Variants in CD300LG observed in about 807,000 individuals in gnomAD.
The protein encoded by CD300LG is CMRF35-like molecule 9.
A neutral mutation model predicts 31.5 loss-of-function variants in CD300LG; 29 were observed. That is an observed-to-expected ratio of 0.92 (90% CI 0.68 to 1.25). CD300LG has a LOEUF of 1.25. Ranked by LOEUF, CD300LG falls within the 50% of genes most tolerant of loss-of-function variation. The pLI, the probability that CD300LG is intolerant of heterozygous loss-of-function variation, is 0.00. For synonymous variants in CD300LG, 175 were observed against 177.2 expected (o/e 0.99, Z 0.10); for missense variants, 396 against 417.6 (o/e 0.95, Z 0.45).
At chr17:43,850,170 T>C (rs1437472763) in intron 2 of CD300LG, among the ~76,000 whole-genome samples, 1 of 152,388 alleles carries the variant, frequency 6.6e-6, no homozygotes, top group Non-Finnish European at 1.5e-5. Flanking sequence ...AGTGATGTGC[T>C]GGTAAATGTT....
rs2046684599 is a variant in CD300LG, at chr17:43,863,521, A to G, written c.*1610A>G. The G allele has an allele frequency of 6.6e-6, 1 of 152,218 alleles. No homozygotes were observed. The highest frequency in any genetic ancestry group is 1.5e-5 in the Non-Finnish European group (1 of 68,040). The allele number at this position is 152,218 out of a possible 1,614,324, so 9.4% of individuals were successfully genotyped here. Reference sequence around the variant, plus strand: ...TTTTTACAGAGCAATTATCTTGTATATACAACTTTGTATCCTGCCTTTTCC... The same window carrying G: ...TTTTTACAGAGCAATTATCTTGTATGTACAACTTTGTATCCTGCCTTTTCC... On this transcript the variant is annotated 3_prime_UTR_variant, in exon 7 of 7. Coordinates refer to ENST00000317310, the MANE Select transcript of CD300LG (RefSeq NM_145273.4).
intron 6 of CD300LG, chr17:43,858,074 A>G: frequency 7.1e-7 from 1 of 1,414,306 alleles, no homozygotes; most frequent in Non-Finnish European, 9.2e-7. Flanking sequence ...AGATGCCTCC[A>G]CTCCATTCCT....
intron 6 of CD300LG, among the ~76,000 whole-genome samples, chr17:43,860,532 G>T (rs1425985264): frequency 6.6e-6 from 1 of 152,190 alleles, no homozygotes; most frequent in Admixed American, 6.5e-5. Flanking sequence ...AGATGGACGG[G>T]CCTGGCGTTC....
intron 6 of CD300LG, among the ~76,000 whole-genome samples, chr17:43,859,944 C>G (rs751078875): frequency 2.0e-5 from 3 of 152,114 alleles, no homozygotes; most frequent in Non-Finnish European, 4.4e-5. Context: ...CTATGTTGCC[C>G]AGGTTGGTCT....
chr17:43,853,821 T>A lies in CD300LG; in HGVS notation c.496T>A (p.Tyr166Asn), dbSNP rs771389686. 5 of 1,613,830 alleles carry A rather than the reference T, an allele frequency of 3.1e-6. No homozygotes were observed. The Admixed American group carries it at 8.3e-5, about 27-fold the overall frequency. The part of the protein sequence containing the change: ...QPPGLTSPGL[Y>N]PAATTAKQGK... ...TGGACTTGTAGCTTCTCCTGGGCTC[T>A]ACCCGGCAGCCACCACAGCCAAGCA... Residue 166 changes from tyrosine to asparagine, a missense_variant, in exon 4 of 7, where the codon TAC (tyrosine) becomes AAC (asparagine). By Grantham distance (143) the Tyr-to-Asn change is moderately radical (BLOSUM62 -2). Transcript: ENST00000317310.
chr17:43,858,168 C>T, intron 6 of CD300LG: 1 of 1,226,518 alleles, frequency 8.2e-7, no homozygotes, highest in Non-Finnish European at 1.0e-6. Context: ...CCTGGTCACC[C>T]CAAGGAGGGT....
chr17:43,857,182 C>G (rs1367164629), intron 6 of CD300LG, 26 bp downstream of exon 6: 8 of 1,612,818 alleles, frequency 5.0e-6, no homozygotes, highest in Non-Finnish European at 6.8e-6. Flanking sequence ...TATGGAAGCC[C>G]AAGCTCAGAT....
chr17:43,851,133 C>CAA (rs777282117), intron 2 of CD300LG, among the ~76,000 whole-genome samples: 105 of 39,806 alleles, frequency 2.6e-3, no homozygotes, highest in Non-Finnish European at 3.7e-3. Flanking sequence ...GACTCAGTCT[C>CAA]AAAAAAAAAA....
rs889256261 is a variant in CD300LG at position 43,861,380 on chromosome 17, G to T, written c.886-418G>T. On this transcript the variant is annotated intron_variant, in intron 6 of 6. Coordinates refer to ENST00000317310, the MANE Select transcript of CD300LG (RefSeq NM_145273.4). ...TCTGCTCCCCAAACCCCACACCCCC[G>T]CATCTACCCACCTTCCCCATTCACA... 4 of 681,182 alleles carry T rather than the reference G, an allele frequency of 5.9e-6. No individual in the cohort carries two copies. In the South Asian group the frequency reaches 2.0e-4, roughly 33 times the overall value. The allele number at this position is 681,182 out of a possible 1,614,324, so 42.2% of individuals were successfully genotyped here.
At chr17:43,854,143 G>A (rs73320354) in intron 4 of CD300LG, 99 bp downstream of exon 4, 8 of 874,834 alleles carry the variant, frequency 9.1e-6, no homozygotes, top group African/African-American at 3.4e-5. Flanking sequence ...CTAAGCGGAC[G>A]CATCCTCTTG....
At chr17:43,848,288 C>G (rs191549738) in intron 1 of CD300LG, among the ~76,000 whole-genome samples, 1 of 152,260 alleles carries the variant, frequency 6.6e-6, no homozygotes, top group Non-Finnish European at 1.5e-5. Context: ...CACTCAGAAA[C>G]CCTGCTGGCT....
At chr17:43,859,233 C>A (rs2046604699) in intron 6 of CD300LG, among the ~76,000 whole-genome samples, 1 of 152,222 alleles carries the variant, frequency 6.6e-6, no homozygotes, top group Non-Finnish European at 1.5e-5. Flanking sequence ...CCTGGGACAG[C>A]TGCAGACCCT....
At chr17:43,854,728 C>G (rs998705243) in intron 4 of CD300LG, among the ~76,000 whole-genome samples, 3 of 152,096 alleles carry the variant, frequency 2.0e-5, no homozygotes, top group South Asian at 2.1e-4. Flanking sequence ...CCTAACGAGT[C>G]GCTCATTGCT....
intron 1 of CD300LG, among the ~76,000 whole-genome samples, chr17:43,847,953 C>T (rs1289851886): frequency 3.3e-5 from 5 of 151,724 alleles, no homozygotes; most frequent in African/African-American, 1.2e-4. Context: ...TGTCTAAAAA[C>T]AAAACAAAAC....
chr17:43,852,957 C>G lies in CD300LG; in HGVS notation c.425C>G (p.Ala142Gly). Residue 142 changes from alanine (A) to glycine (G), a missense_variant, in exon 3 of 7, where the codon GCT becomes GGT. Physicochemically the swap from Ala to Gly is moderately conservative, Grantham distance 60. Coordinates refer to ENST00000317310, the MANE Select transcript of CD300LG (RefSeq NM_145273.4). Reference sequence around the variant, plus strand: ...CCTTCTCCCACCTTCCAGCCTCTGGCTACAACACGCCTGCAGCCCAAGGCA... The same window carrying G: ...CCTTCTCCCACCTTCCAGCCTCTGGGTACAACACGCCTGCAGCCCAAGGCA... ...PSPSPTFQPLATTRLQPKAKA... is the reference protein window; with the variant it reads ...PSPSPTFQPLGTTRLQPKAKA... The G allele has an allele frequency of 6.2e-7, 1 of 1,613,054 alleles. No individual in the cohort carries two copies. Among genetic ancestry groups the G allele is most frequent in the Non-Finnish European group, 8.5e-7 (1 of 1,179,524 alleles).
At chr17:43,848,502 T>G in intron 1 of CD300LG, 56 bp from the exon 2 acceptor site, 1 of 1,419,362 alleles carries the variant, frequency 7.0e-7, no homozygotes, top group Non-Finnish European at 9.8e-7. Context: ...GCTCTGGCCT[T>G]GACCTTGGTA....
At chr17:43,854,191 G>T in intron 4 of CD300LG, 147 bp downstream of exon 4, 1 of 659,692 alleles carries the variant, frequency 1.5e-6, no homozygotes, top group Non-Finnish European at 2.6e-6. Context: ...GTCCCTCACA[G>T]GGGCCCTTGA....
In CD300LG at chr17:43,861,849, T is replaced by G; in HGVS notation, c.937T>G (p.Ser313Ala). 4 of 1,612,898 alleles carry G rather than the reference T, an allele frequency of 2.5e-6. No homozygotes were observed. The highest frequency in any genetic ancestry group is 3.4e-6 in the Non-Finnish European group (4 of 1,179,542). ...CCAGGCCCCTGAGGGGGACGTGATCTCGATGCCTCCCCTCCACACATCTGA... is the reference window on the plus strand; with the variant it reads ...CCAGGCCCCTGAGGGGGACGTGATCGCGATGCCTCCCCTCCACACATCTGA... The part of the protein sequence containing the change: ...PSQAPEGDVI[S>A]MPPLHTSEEE... The change falls in exon 7 of 7, where the codon TCG becomes GCG. Residue 313 changes from serine to alanine, a missense_variant. By Grantham distance (99) the Ser-to-Ala change is moderately conservative. Coordinates refer to ENST00000317310, the MANE Select transcript of CD300LG (RefSeq NM_145273.4).
intron 2 of CD300LG, among the ~76,000 whole-genome samples, chr17:43,850,556 T>A (rs986574045): frequency 1.3e-5 from 2 of 152,116 alleles, no homozygotes; most frequent in African/African-American, 4.8e-5. Context: ...TTACAACCTC[T>A]GCCTCCCAGG....
Sources: gnomAD v4.1 joint callset for allele counts (sites outside exome capture counted in the v4.1 genomes callset) on GRCh38, gnomAD v4.1.1 for gene constraint, MANE v1.5 for transcripts, NCBI Gene and HGNC (gene_info 2026-07-23, HGNC 2026-07-21) for gene names.